FAAH2: variants seen among roughly 807,000 people sequenced by gnomAD.
The protein encoded by FAAH2 is fatty-acid amide hydrolase 2.
A neutral mutation model predicts 36.9 loss-of-function variants in FAAH2; 60 were observed. The observed-to-expected ratio is 1.63, with a 90% CI of 1.32 to 2.02. FAAH2 has a LOEUF of 2.02. FAAH2 is among the 30% of genes most tolerant of loss of function. The probability of loss-of-function intolerance (pLI) is 0.00; values close to 1 mark genes in which losing one functional copy is unlikely to be tolerated. For synonymous variants in FAAH2, 214 were observed against 143.8 expected (o/e 1.49, Z -3.49); for missense variants, 689 against 397.5 (o/e 1.73, Z -6.23).
chrX:57,479,328 A>T (rs1418708283), intron 10 of FAAH2, among the ~76,000 whole-genome samples: 6 of 111,797 alleles, frequency 5.4e-5, no homozygotes, highest in Admixed American at 9.5e-5. Flanking sequence ...TGATTTTTGT[A>T]CGTTGATTTT....
the FAAH2 span, among the ~76,000 whole-genome samples, chrX:57,187,661 C>CT: frequency 1.3e-4 from 15 of 111,347 alleles, 1 homozygote; most frequent in Non-Finnish European, 2.8e-4. Context: ...AAAGGTAAAG[C>CT]TTTCAGGTTT....
chrX:57,301,549 GCATGTATA>G (rs2052369148), intron 2 of FAAH2, among the ~76,000 whole-genome samples: 1 of 106,293 alleles, frequency 9.4e-6, no homozygotes, highest in Non-Finnish European at 1.9e-5. Flanking sequence ...CCAACATGGC[GCATGTATA>G]CATATGTAAC....
chrX:57,278,561 A>G, the FAAH2 span, among the ~76,000 whole-genome samples: 3 of 111,526 alleles, frequency 2.7e-5, no homozygotes, highest in Non-Finnish European at 5.6e-5. Flanking sequence ...AATGGCAACA[A>G]AAGCCAAAAT....
chrX:57,247,326 A>C, the FAAH2 span, among the ~76,000 whole-genome samples: 1 of 112,195 alleles, frequency 8.9e-6, no homozygotes, highest in South Asian at 3.7e-4. Flanking sequence ...GAAAAACAGA[A>C]TGATCAAACA....
chrX:57,157,842 CTTCT>C, the FAAH2 span, among the ~76,000 whole-genome samples: 5 of 109,857 alleles, frequency 4.6e-5, no homozygotes, highest in African/African-American at 1.7e-4. Flanking sequence ...TTCTCTTGAA[CTTCT>C]TTCTTTCTTT....
chrX:57,211,506 C>T, the FAAH2 span, among the ~76,000 whole-genome samples: 4 of 111,817 alleles, frequency 3.6e-5, no homozygotes, highest in Non-Finnish European at 7.5e-5. Flanking sequence ...CAACCTGGCC[C>T]ATTGCCTGGG....
At chrX:57,285,345 A>C (rs1375258776), upstream of FAAH2, among the ~76,000 whole-genome samples, 1 of 112,228 alleles carries the variant, frequency 8.9e-6, no homozygotes. Context: ...TCTCATAATC[A>C]CATACCTTCA....
Position 57,381,030 on chromosome X carries a change from G to A in FAAH2, c.996+1G>A. 3.5e-6 allele frequency: 4 copies of A among 1,151,505 alleles called. No individual in the cohort carries two copies. The highest frequency in any genetic ancestry group is 4.7e-6 in the Non-Finnish European group (4 of 851,211). 94.9% of individuals were successfully genotyped at this position (1,151,505 alleles called of 1,213,427 possible). Reference sequence around the variant, plus strand: ...AGATCTCATTATGACTCAGAAAAAGGTAATTTTAAATAAAATTTGTTTAGG... The same window carrying A: ...AGATCTCATTATGACTCAGAAAAAGATAATTTTAAATAAAATTTGTTTAGG... On this transcript the variant is annotated splice_donor_variant, in intron 7 of 10. Coordinates refer to ENST00000374900, the MANE Select transcript of FAAH2 (RefSeq NM_174912.4). LOFTEE classifies it high-confidence loss of function.
chrX:57,439,795 G>T (rs2056507391), intron 8 of FAAH2, among the ~76,000 whole-genome samples: 1 of 111,651 alleles, frequency 9.0e-6, no homozygotes, highest in African/African-American at 3.3e-5. Flanking sequence ...GTAAGGAAGG[G>T]ATCCAGTTTT....
the FAAH2 span, among the ~76,000 whole-genome samples, chrX:57,165,927 C>T: frequency 2.7e-5 from 3 of 110,211 alleles, no homozygotes; most frequent in African/African-American, 9.9e-5. Context: ...CCTGCCATGC[C>T]CCCCATCCTG....
chrX:57,170,224 T>C, the FAAH2 span, among the ~76,000 whole-genome samples: 1 of 111,967 alleles, frequency 8.9e-6, no homozygotes, highest in Non-Finnish European at 1.9e-5. Context: ...GAGTATTTGT[T>C]GTTGTTGTTG....
the FAAH2 span, among the ~76,000 whole-genome samples, chrX:57,196,692 A>T: frequency 8.9e-6 from 1 of 111,977 alleles, no homozygotes; most frequent in African/African-American, 3.2e-5. Context: ...GGCTGTGGAT[A>T]TGCAATAGAT....
chrX:57,363,897 C>A (rs2054345083), intron 5 of FAAH2, among the ~76,000 whole-genome samples: 1 of 110,402 alleles, frequency 9.1e-6, no homozygotes, highest in African/African-American at 3.3e-5. Flanking sequence ...GCAATCTCTG[C>A]ACCCCAGGAA....
At chrX:57,466,156 C>CTCTCTCTCTATATATATATATATATATA (rs1287266105) in intron 10 of FAAH2, among the ~76,000 whole-genome samples, 1 of 66,415 alleles carries the variant, frequency 1.5e-5, no homozygotes, top group African/African-American at 5.9e-5. Flanking sequence ...CTCTCTCTCT[C>CTCTCTCTCTATATATATATATATATATA]TATATATATA....
the FAAH2 span, among the ~76,000 whole-genome samples, chrX:57,168,531 G>T: frequency 8.9e-6 from 1 of 111,950 alleles, no homozygotes; most frequent in South Asian, 3.7e-4. Flanking sequence ...TGGCTTAAAA[G>T]AGAAGGCTAG....
chrX:57,272,885 A>G, the FAAH2 span, among the ~76,000 whole-genome samples: 1 of 112,359 alleles, frequency 8.9e-6, no homozygotes, highest in Non-Finnish European at 1.9e-5. Flanking sequence ...TAGAATCATA[A>G]TGACAGAATC....
At chrX:57,171,765 A>G in the FAAH2 span, among the ~76,000 whole-genome samples, 2 of 111,698 alleles carry the variant, frequency 1.8e-5, no homozygotes, top group Non-Finnish European at 3.8e-5. Flanking sequence ...TTTTAGTTTA[A>G]TTAAACCCCA....
chrX:57,318,676 C>T (rs1483080056), intron 3 of FAAH2, among the ~76,000 whole-genome samples: 1 of 111,624 alleles, frequency 9.0e-6, no homozygotes, highest in South Asian at 3.8e-4. Context: ...TTTTATGGGG[C>T]CAGCATCGTC....
chrX:57,302,910 A>G (rs941983832), intron 2 of FAAH2, among the ~76,000 whole-genome samples: 4 of 110,952 alleles, frequency 3.6e-5, no homozygotes, highest in African/African-American at 1.3e-4. Context: ...GGCTGAAACT[A>G]TGAGGATTTC....
Sources: allele counts gnomAD v4.1 joint callset (sites outside exome capture counted in the v4.1 genomes callset), GRCh38; gene constraint gnomAD v4.1.1; transcripts MANE v1.5; gene names NCBI Gene and HGNC (gene_info 2026-07-23, HGNC 2026-07-21).